The following SERPINI2 variants were observed in gnomAD, a reference collection of about 807,000 sequenced individuals.
The protein encoded by SERPINI2 is serpin I2.
A neutral mutation model predicts 47.3 loss-of-function variants in SERPINI2; 48 were observed. The observed-to-expected ratio is 1.02, with a 90% confidence interval of 0.81 to 1.29. The LOEUF (loss-of-function observed/expected upper bound fraction) is 1.29. Among genes scored for constraint, SERPINI2 ranks in the 50% most tolerant of loss-of-function variants. The probability of loss-of-function intolerance (pLI) is 0.00; values close to 1 mark genes in which losing one functional copy is unlikely to be tolerated. For missense variants in SERPINI2, 448 were observed against 456.9 expected, an observed-to-expected ratio of 0.98 and a Z score of 0.18; for synonymous variants, 135 against 149.3, an observed-to-expected ratio of 0.90 and a Z score of 0.70.
intron 7 of SERPINI2, among the ~76,000 whole-genome samples, chr3:167,447,689 A>G (rs993798137): frequency 6.6e-6 from 1 of 152,208 alleles, no homozygotes; most frequent in African/African-American, 2.4e-5. Flanking sequence ...TTCTTCACCA[A>G]TATAATGAGA....
chr3:167,447,818 A>T (rs1322459409), intron 7 of SERPINI2, among the ~76,000 whole-genome samples: 1 of 152,254 alleles, frequency 6.6e-6, no homozygotes, highest in Non-Finnish European at 1.5e-5. Context: ...AGATTAATAT[A>T]GTTCATCCCC....
chr3:167,474,250 G>T (rs1488536513), upstream of SERPINI2: 1 of 471,880 alleles, frequency 2.1e-6, no homozygotes, highest in Non-Finnish European at 2.8e-6. Context: ...TTTTTTAAAA[G>T]TATTAAATTT....
At chr3:167,451,282 C>T (rs1749634251) in intron 6 of SERPINI2, among the ~76,000 whole-genome samples, 1 of 152,150 alleles carries the variant, frequency 6.6e-6, no homozygotes, top group Admixed American at 6.5e-5. Context: ...AGTGAGAAGT[C>T]AAATATTTTT....
At chr3:167,473,653 T>A (rs1164711887) in intron 1 of SERPINI2, 3 of 549,568 alleles carry the variant, frequency 5.5e-6, no homozygotes, top group South Asian at 7.0e-5. Context: ...TATTTGAGCA[T>A]CCACATCCAT....
intron 5 of SERPINI2, 90 bp downstream of exon 5, chr3:167,465,116 T>C: frequency 8.8e-7 from 1 of 1,138,558 alleles, no homozygotes; most frequent in Non-Finnish European, 1.3e-6. Flanking sequence ...TCAATAGACT[T>C]TTCAAGTATT....
rs147689885 is a variant in SERPINI2 at position 167,459,940 on chromosome 3, A to G, written c.866+5266T>C. On this transcript the variant is annotated intron_variant, in intron 5 of 8. Coordinates refer to ENST00000264677, the Ensembl canonical transcript of SERPINI2. ...ACAGATGGCTACATGACAACAGAAG[A>G]AATAATTGGAGTGATTTATCTATAA... Among the ~76,000 whole-genome samples, 346 of 152,250 alleles carry G rather than the reference A, an allele frequency of 2.3e-3. 1 individual carries two copies. The highest frequency in any genetic ancestry group is 8.0e-3 in the African/African-American group (332 of 41,542).
chr3:167,471,913 CT>C, intron 1 of SERPINI2, 69 bp from the exon 2 acceptor site: 1 of 1,179,002 alleles, frequency 8.5e-7, no homozygotes, highest in Non-Finnish European at 1.2e-6. Context: ...CAACAGAAAA[CT>C]TTCTACCTGT....
chr3:167,475,226 C>A (rs996822709), upstream of SERPINI2, among the ~76,000 whole-genome samples: 1 of 151,718 alleles, frequency 6.6e-6, no homozygotes. Context: ...AGATAATTTT[C>A]CAAAAAGAGT....
exon 2 of SERPINI2, chr3:167,471,715 A>G: frequency 6.2e-7 from 1 of 1,613,618 alleles, no homozygotes; most frequent in Non-Finnish European, 8.5e-7. Flanking sequence ...TGTCCTTATG[A>G]GATAAGGAAA....
intron 6 of SERPINI2, 79 bp from the exon 7 acceptor site, chr3:167,449,481 C>A (rs1749582530): frequency 3.0e-6 from 2 of 665,324 alleles, no homozygotes; most frequent in Non-Finnish European, 4.7e-6. Flanking sequence ...CAATTAATTA[C>A]ATTTATTTAT....
chr3:167,458,489 C>T (rs966171417), intron 5 of SERPINI2, among the ~76,000 whole-genome samples: 2 of 150,906 alleles, frequency 1.3e-5, no homozygotes, highest in African/African-American at 4.9e-5. Flanking sequence ...GTCTCGATCT[C>T]CTGACCTCGT....
intron 5 of SERPINI2, among the ~76,000 whole-genome samples, chr3:167,455,865 G>T (rs1196510797): frequency 2.0e-5 from 3 of 152,104 alleles, no homozygotes; most frequent in Non-Finnish European, 4.4e-5. Context: ...AATCTCGTGA[G>T]AACTCTACGA....
chr3:167,459,845 T>C (rs1356850850), intron 5 of SERPINI2, among the ~76,000 whole-genome samples: 1 of 152,202 alleles, frequency 6.6e-6, no homozygotes, highest in African/African-American at 2.4e-5. Context: ...GTCACCTTAC[T>C]TGGAAATAGG....
At chr3:167,476,836 G>T (rs1270297298), upstream of SERPINI2, among the ~76,000 whole-genome samples, 4 of 151,960 alleles carry the variant, frequency 2.6e-5, no homozygotes, top group Non-Finnish European at 5.9e-5. Flanking sequence ...CTTACATGAG[G>T]GATGGACGGA....
chr3:167,473,033 G>C (rs1750382116), intron 1 of SERPINI2, among the ~76,000 whole-genome samples: 1 of 151,572 alleles, frequency 6.6e-6, no homozygotes, highest in Non-Finnish European at 1.5e-5. Flanking sequence ...AGATCATTAA[G>C]GGTACCATAA....
intron 5 of SERPINI2, among the ~76,000 whole-genome samples, chr3:167,453,879 G>T (rs1479749962): frequency 6.6e-6 from 1 of 151,904 alleles, no homozygotes; most frequent in Non-Finnish European, 1.5e-5. Flanking sequence ...AAATAAAAGT[G>T]GGGGTGGGGG....
At chr3:167,458,443 T>TC (rs1553855547) in intron 5 of SERPINI2, among the ~76,000 whole-genome samples, 3 of 150,220 alleles carry the variant, frequency 2.0e-5, no homozygotes, top group Admixed American at 6.6e-5. Context: ...TTTTTTTTTT[T>TC]AGTAGAGACG....
intron 7 of SERPINI2, chr3:167,447,034 T>C (rs1309759253): frequency 6.6e-6 from 1 of 152,172 alleles, no homozygotes; most frequent in Non-Finnish European, 1.5e-5. Context: ...TAAAAATTAC[T>C]TTCTATGATT....
intron 6 of SERPINI2, among the ~76,000 whole-genome samples, chr3:167,452,370 G>A (rs74715427): frequency 0.058 from 8,808 of 152,202 alleles, 808 homozygotes; most frequent in African/African-American, 0.2. Flanking sequence ...AAGTGAACGT[G>A]TTAACCATGC....
Sources: gnomAD v4.1 joint callset for allele counts (sites outside exome capture counted in the v4.1 genomes callset) on GRCh38, gnomAD v4.1.1 for gene constraint, MANE v1.5 for transcripts, NCBI Gene and HGNC (gene_info 2026-07-23, HGNC 2026-07-21) for gene names.